Variants in ZNF367 observed in about 807,000 individuals in gnomAD.
ZNF367 encodes C2H2 zinc finger protein ZFF29.
In ZNF367, 11 loss-of-function variants were observed where a neutral mutation model predicts 31.8. The ratio of observed to expected loss-of-function variants is 0.35; its 90% CI spans 0.22 to 0.57. The LOEUF is 0.57. Ranked by LOEUF, ZNF367 falls within the 20% of genes least tolerant of loss-of-function variation. ZNF367 has a pLI of 0.85. For synonymous variants in ZNF367, 199 were observed against 202.4 expected (o/e 0.98, Z 0.14); for missense variants, 353 against 484.1 (o/e 0.73, Z 2.54).
At chr9:96,400,556 A>C (rs35741708) in intron 1 of ZNF367, among the ~76,000 whole-genome samples, 6,860 of 152,144 alleles carry the variant, frequency 0.045, 199 homozygotes, top group African/African-American at 0.074. Flanking sequence ...AACAAACAAA[A>C]AAAAAACTTC....
intron 1 of ZNF367, chr9:96,407,151 C>A: frequency 1.7e-6 from 1 of 585,822 alleles, no homozygotes; most frequent in Non-Finnish European, 3.0e-6. Flanking sequence ...AAGACCCCAT[C>A]TCTATTATTA....
intron 1 of ZNF367, chr9:96,407,694 T>A: frequency 7.1e-7 from 1 of 1,410,816 alleles, no homozygotes; most frequent in Admixed American, 1.9e-5. Flanking sequence ...TAAAAGTTAT[T>A]CGAACAGGAA....
chr9:96,413,427 G>A (rs369260984), intron 1 of ZNF367, among the ~76,000 whole-genome samples: 5 of 152,166 alleles, frequency 3.3e-5, no homozygotes, highest in African/African-American at 9.6e-5. Flanking sequence ...TCAGCTATTC[G>A]TAACAGTATG....
Position 96,417,045 on chromosome 9 carries a change from T to G in ZNF367, c.420+568A>C, listed in dbSNP as rs1474961195. On this transcript the variant is annotated intron_variant, in intron 1 of 4. Transcript: ENST00000375256. The surrounding 1 kb of genome is among the most constrained non-coding windows in gnomAD (Gnocchi z 5.0). Reference sequence around the variant, plus strand: ...TTAAGCAGTCGGAGACTGCAAGCAATTTTAGCGTCCCATTCCACTATGTGC... The same window carrying G: ...TTAAGCAGTCGGAGACTGCAAGCAAGTTTAGCGTCCCATTCCACTATGTGC... 6.6e-6 allele frequency among the ~76,000 whole-genome samples: 1 copy of G among 152,200 alleles called. No homozygotes were observed. The highest frequency in any genetic ancestry group is 1.5e-5 in the Non-Finnish European group (1 of 68,032).
At chr9:96,402,462 T>C (rs1389987261) in intron 1 of ZNF367, among the ~76,000 whole-genome samples, 2 of 134,242 alleles carry the variant, frequency 1.5e-5, no homozygotes, top group African/African-American at 5.7e-5. Flanking sequence ...TTTTTTTTTT[T>C]TTTTTTTGAG....
rs61695049 is a variant in ZNF367, at chr9:96,387,612, T to C, written c.*625A>G. 143 of 152,320 alleles carry C rather than the reference T, an allele frequency of 9.4e-4. No homozygotes were observed. Among genetic ancestry groups the C allele is most frequent in the African/African-American group, 3.3e-3 (136 of 41,580 alleles). The allele number at this position is 152,320 out of a possible 1,614,324, so 9.4% of individuals were successfully genotyped here. On this transcript the variant is annotated 3_prime_UTR_variant, in exon 5 of 5. Coordinates refer to ENST00000375256, the MANE Select transcript of ZNF367 (RefSeq NM_153695.4). The stretch of plus-strand genomic sequence containing the variant: ...GCCCCAGATAGAATAAGACTGATTT[T>C]GCTCCAATTTCAAAAATTCTGAACT...
rs187339945 is a variant in ZNF367, at chr9:96,398,759, C to G, written c.421-445G>C. ...GACTTGCCCTCTCTCTTTCCCTTCC[C>G]CAGTGGCAGTCTTGAAGACAGCAGC... On this transcript the variant is annotated intron_variant, in intron 1 of 4. Coordinates refer to ENST00000375256, the MANE Select transcript of ZNF367 (RefSeq NM_153695.4). 2.6e-3 allele frequency among the ~76,000 whole-genome samples: 396 copies of G among 152,302 alleles called. 3 individuals carry two copies. The highest frequency in any genetic ancestry group is 4.3e-3 in the Admixed American group (65 of 15,292).
At chr9:96,402,957 T>C (rs1831626523) in intron 1 of ZNF367, among the ~76,000 whole-genome samples, 1 of 151,020 alleles carries the variant, frequency 6.6e-6, no homozygotes, top group African/African-American at 2.4e-5. Context: ...AACAAATATA[T>C]AGAAATTAAA....
intron 1 of ZNF367, among the ~76,000 whole-genome samples, chr9:96,401,045 A>T (rs989913942): frequency 2.0e-5 from 3 of 152,070 alleles, no homozygotes; most frequent in Admixed American, 1.3e-4. Flanking sequence ...GGGAAACGTA[A>T]GGAGACCTCA....
In ZNF367 at chr9:96,417,108, A is replaced by AG. The variant is rs1404540634; in HGVS notation, c.420+504dup. On this transcript the variant is annotated intron_variant, in intron 1 of 4. Transcript: ENST00000375256. This position sits in a 1 kb window ranked among gnomAD's most constrained non-coding sequence, Gnocchi z 5.0. ...GCAAGTAGTATGCTGGATAAATGAA[A>AG]GGCAGCGAAGGCACAACTTCAGCCG... Among the ~76,000 whole-genome samples, 2 of 152,226 alleles carry AG rather than the reference A, an allele frequency of 1.3e-5. No homozygotes were observed.
In ZNF367 at chr9:96,417,492, C is replaced by T. The variant is rs1257891007; in HGVS notation, c.420+121G>A. ...CGCGGCAGTGACGTCAGCATCCTGT[C>T]AGCCGCAGCCCCCGCCGTAGCCGGA... On this transcript the variant is annotated intron_variant, in intron 1 of 4. Transcript: ENST00000375256. This position sits in a 1 kb window ranked among gnomAD's most constrained non-coding sequence, Gnocchi z 5.0. The T allele has an allele frequency of 3.9e-6, 1 of 254,272 alleles. No individual in the cohort carries two copies. The highest frequency in any genetic ancestry group is 7.4e-6 in the Non-Finnish European group (1 of 134,244). 15.8% of individuals were successfully genotyped at this position (254,272 alleles called of 1,614,324 possible). A position where few individuals can be genotyped will look rare whatever the true frequency, so the allele number is the denominator to read the frequency against.
At chr9:96,397,079 T>A (rs1481504073) in intron 2 of ZNF367, among the ~76,000 whole-genome samples, 1 of 152,216 alleles carries the variant, frequency 6.6e-6, no homozygotes, top group African/African-American at 2.4e-5. Context: ...ATATTAAGTA[T>A]GTTTTATATT....
In ZNF367 at chr9:96,418,096, C is replaced by T; in HGVS notation, c.-64G>A. 1 of 1,309,702 alleles carries T rather than the reference C, an allele frequency of 7.6e-7. No individual in the cohort carries two copies. The highest frequency in any genetic ancestry group is 9.7e-7 in the Non-Finnish European group (1 of 1,030,036). The allele number at this position is 1,309,702 out of a possible 1,614,324, so 81.1% of individuals were successfully genotyped here. ...CACTCCTGAGCACCGCTCTGCCCCTCACTCGCTCTGCTCCGAGTCGCAGGC... is the reference window on the plus strand; with the variant it reads ...CACTCCTGAGCACCGCTCTGCCCCTTACTCGCTCTGCTCCGAGTCGCAGGC... On this transcript the variant is annotated 5_prime_UTR_variant, in exon 1 of 5. Transcript: ENST00000375256.
chr9:96,389,958 T>G (rs997280712), intron 4 of ZNF367, among the ~76,000 whole-genome samples: 1 of 142,240 alleles, frequency 7.0e-6, no homozygotes, highest in African/African-American at 2.7e-5. Context: ...CAGGCTAGAG[T>G]GTAATGACGG....
chr9:96,411,004 C>T (rs1287529713), intron 1 of ZNF367, among the ~76,000 whole-genome samples: 2 of 150,508 alleles, frequency 1.3e-5, no homozygotes, highest in African/African-American at 4.9e-5. Flanking sequence ...CAAGACCAGC[C>T]TGGACAACAT....
intron 1 of ZNF367, among the ~76,000 whole-genome samples, chr9:96,402,867 C>A (rs1338838892): frequency 1.3e-5 from 2 of 152,090 alleles, no homozygotes; most frequent in East Asian, 3.8e-4. Flanking sequence ...AAAAAAGTCT[C>A]ACTAAATTTT....
chr9:96,403,673 C>A (rs13284939), intron 1 of ZNF367, among the ~76,000 whole-genome samples: 3,853 of 152,048 alleles, frequency 0.025, 72 homozygotes, highest in Middle Eastern at 0.055. Context: ...ACATATAGAC[C>A]AATGAAATAA....
intron 1 of ZNF367, among the ~76,000 whole-genome samples, chr9:96,416,133 G>A (rs1353214926): frequency 1.4e-5 from 2 of 147,798 alleles, no homozygotes; most frequent in African/African-American, 5.0e-5. Context: ...TTTTGCACAG[G>A]CTGGAGCGCA....
At chr9:96,405,587 T>C (rs535145113) in intron 1 of ZNF367, among the ~76,000 whole-genome samples, 76 of 152,042 alleles carry the variant, frequency 5.0e-4, no homozygotes, top group African/African-American at 1.8e-3. Context: ...ACATACACAA[T>C]GGAATATGTA....
Sources: gnomAD v4.1 joint callset for allele counts (sites outside exome capture counted in the v4.1 genomes callset) on GRCh38, gnomAD v4.1.1 for gene constraint, Gnocchi (gnomAD v3.1) non-coding constraint, MANE v1.5 for transcripts, NCBI Gene and HGNC (gene_info 2026-07-23, HGNC 2026-07-21) for gene names.